Variants in PDIA6 observed in about 807,000 individuals in gnomAD.
PDIA6 encodes protein disulfide isomerase family A member 6.
In PDIA6, 29 loss-of-function variants were observed where a neutral mutation model predicts 58.4. The ratio of observed to expected loss-of-function variants is 0.50; its 90% CI spans 0.37 to 0.68. The LOEUF (loss-of-function observed/expected upper bound fraction) is 0.68. Among genes scored for constraint, PDIA6 ranks in the 30% least tolerant of loss-of-function variants. The probability of loss-of-function intolerance (pLI) is 0.00; values close to 1 mark genes in which losing one functional copy is unlikely to be tolerated. For synonymous variants in PDIA6, 192 were observed against 202.6 expected, an observed-to-expected ratio of 0.95 and a Z score of 0.44; for missense variants, 480 against 551.0, an observed-to-expected ratio of 0.87 and a Z score of 1.29.
At chr2:10,805,228 C>T (rs1240319629) in intron 1 of PDIA6, among the ~76,000 whole-genome samples, 1 of 142,466 alleles carries the variant, frequency 7.0e-6, no homozygotes, top group Non-Finnish European at 1.5e-5. Context: ...AAACAAACAA[C>T]CCCATCAAAA....
intron 2 of PDIA6, among the ~76,000 whole-genome samples, chr2:10,800,654 G>A (rs1046681384): frequency 2.7e-5 from 4 of 150,530 alleles, no homozygotes; most frequent in African/African-American, 9.8e-5. Flanking sequence ...AGGCTGGAGT[G>A]CAGTGGCACA....
At chr2:10,836,090 G>C (rs1439362386), upstream of PDIA6, among the ~76,000 whole-genome samples, 1 of 151,996 alleles carries the variant, frequency 6.6e-6, no homozygotes, top group Non-Finnish European at 1.5e-5. Flanking sequence ...GGAGTACCTT[G>C]GTGCCTGAGA....
chr2:10,829,454 C>G (rs1667644542), intron 1 of PDIA6, among the ~76,000 whole-genome samples: 1 of 152,202 alleles, frequency 6.6e-6, no homozygotes, highest in African/African-American at 2.4e-5. Context: ...TGGCCAAAAG[C>G]CATAATAACC....
At chr2:10,815,520 A>T (rs947111000), upstream of PDIA6, 2 of 152,208 alleles carry the variant, frequency 1.3e-5, no homozygotes, top group Non-Finnish European at 2.9e-5. Flanking sequence ...AATCTGCTAG[A>T]CAAATTCTAA....
At chr2:10,833,217 C>T (rs1266631640), upstream of PDIA6, among the ~76,000 whole-genome samples, 3 of 152,200 alleles carry the variant, frequency 2.0e-5, no homozygotes, top group Non-Finnish European at 4.4e-5. Flanking sequence ...TGTGTGGCCT[C>T]TAGTCTCACT....
At chr2:10,827,064 CTGAT>C (rs1209613088) in intron 1 of PDIA6, among the ~76,000 whole-genome samples, 4 of 152,094 alleles carry the variant, frequency 2.6e-5, no homozygotes, top group Non-Finnish European at 5.9e-5. Flanking sequence ...TCATATGTGT[CTGAT>C]TGATTGATTG....
At chr2:10,796,517 G>C (rs1024161935) in intron 4 of PDIA6, among the ~76,000 whole-genome samples, 2 of 146,650 alleles carry the variant, frequency 1.4e-5, no homozygotes, top group Non-Finnish European at 3.0e-5. Flanking sequence ...AAAAAAAAAA[G>C]AAAAGAAAAA....
chr2:10,834,346 A>G (rs775802326), upstream of PDIA6, among the ~76,000 whole-genome samples: 7 of 152,234 alleles, frequency 4.6e-5, no homozygotes, highest in Non-Finnish European at 1.0e-4. Flanking sequence ...CTCTCTGTGG[A>G]GAGGGAACAT....
chr2:10,794,817 C>T (rs1666200875), intron 4 of PDIA6, among the ~76,000 whole-genome samples: 2 of 152,072 alleles, frequency 1.3e-5, no homozygotes. Context: ...ATCCCAGCTA[C>T]TCAGGAGGCT....
chr2:10,815,085 G>A (rs28448520), upstream of PDIA6, among the ~76,000 whole-genome samples: 1 of 148,202 alleles, frequency 6.7e-6, no homozygotes, highest in Admixed American at 6.8e-5. Flanking sequence ...CACAGGCTTC[G>A]GGAAATGCAC....
intron 1 of PDIA6, among the ~76,000 whole-genome samples, chr2:10,832,037 A>G (rs1416477325): frequency 6.8e-6 from 1 of 147,684 alleles, no homozygotes; most frequent in African/African-American, 2.6e-5. Flanking sequence ...AAAAAAAAAA[A>G]GAGGAGAGAA....
chr2:10,834,140 A>C (rs1294356121), upstream of PDIA6, among the ~76,000 whole-genome samples: 3 of 152,264 alleles, frequency 2.0e-5, no homozygotes, highest in African/African-American at 4.8e-5. Context: ...GAAAGATCCC[A>C]GTGAATTTGT....
chr2:10,817,723 C>T (rs145751190), upstream of PDIA6, among the ~76,000 whole-genome samples: 1 of 152,208 alleles, frequency 6.6e-6, no homozygotes, highest in African/African-American at 2.4e-5. Flanking sequence ...CCCACAGGGA[C>T]CTTGGGGCCA....
chr2:10,806,634 G>GA (rs1168755228), intron 1 of PDIA6, among the ~76,000 whole-genome samples: 1 of 146,336 alleles, frequency 6.8e-6, no homozygotes, highest in East Asian at 2.0e-4. Context: ...AAGACAGAAA[G>GA]AAAGAAAGAA....
Position 10,812,543 on chromosome 2 carries a change from G to A in PDIA6, c.19+135C>T, listed in dbSNP as rs1049827008. 2.5e-5 allele frequency: 22 copies of A among 891,210 alleles called. 1 individual carries two copies. The African/African-American group carries it at 2.5e-4, about 10-fold the overall frequency. 55.2% of individuals were successfully genotyped at this position (891,210 alleles called of 1,614,324 possible). A position where few individuals can be genotyped will look rare whatever the true frequency, so the allele number is the denominator to read the frequency against. The stretch of plus-strand genomic sequence containing the variant: ...CAACCTAGCAGCTCCTCCGGACGCC[G>A]AGGCCCGCGCCTCCCGCCCGCCAGG... On this transcript the variant is annotated intron_variant, in intron 1 of 12. Coordinates refer to ENST00000272227, the MANE Select transcript of PDIA6 (RefSeq NM_005742.4).
At chr2:10,816,648 C>T (rs1667205955), upstream of PDIA6, among the ~76,000 whole-genome samples, 1 of 151,850 alleles carries the variant, frequency 6.6e-6, no homozygotes, top group African/African-American at 2.4e-5. Context: ...TCAAGTCATG[C>T]CCTCTTGCCA....
At position 10,787,792 on chromosome 2, in the gene PDIA6, C is replaced by A. The variant is rs532455198; in HGVS notation, c.999-353G>T. On this transcript the variant is annotated intron_variant, in intron 10 of 12. Transcript: ENST00000272227. ...AGATAAATAGGAAGGAGGCTGGGCA[C>A]GGTGGCTCACGCCTGTGATCCCAGC... Among the ~76,000 whole-genome samples, 14 of 152,204 alleles carry A rather than the reference C, an allele frequency of 9.2e-5. No homozygotes were observed. In the East Asian group the frequency reaches 2.7e-3, roughly 29 times the overall value.
rs540410884 is a variant in PDIA6 at position 10,787,498 on chromosome 2, C to T, written c.999-59G>A. On this transcript the variant is annotated intron_variant, in intron 10 of 12. Coordinates refer to ENST00000272227, the MANE Select transcript of PDIA6 (RefSeq NM_005742.4). ...GTCTTTTAAATTGCTTACGATCTAA[C>T]TAGAAGATCTTAGAGAACAAAAGAT... The T allele has an allele frequency of 6.2e-5, 90 of 1,455,116 alleles. No homozygotes were observed. The African/African-American group carries it at 1.0e-3, about 17-fold the overall frequency. 90.1% of individuals were successfully genotyped at this position (1,455,116 alleles called of 1,614,324 possible).
intron 12 of PDIA6, 186 bp from the exon 13 acceptor site, chr2:10,784,512 T>C (rs1259326376): frequency 1.8e-6 from 1 of 549,540 alleles, no homozygotes; most frequent in Non-Finnish European, 3.2e-6. Context: ...AGAACTCAGG[T>C]GAAACATTTC....
Sources: allele counts gnomAD v4.1 joint callset (sites outside exome capture counted in the v4.1 genomes callset), GRCh38; gene constraint gnomAD v4.1.1; transcripts MANE v1.5; gene names NCBI Gene and HGNC (gene_info 2026-07-23, HGNC 2026-07-21).